The following GSG1L variants were observed in gnomAD, a reference collection of about 807,000 sequenced individuals.
The protein encoded by GSG1L is germ cell-specific gene 1-like protein.
In GSG1L, 24 loss-of-function variants were observed where a neutral mutation model predicts 42.1. The ratio of observed to expected loss-of-function variants is 0.57; its 90% confidence interval spans 0.41 to 0.80. The LOEUF (loss-of-function observed/expected upper bound fraction) is 0.80. Ranked by LOEUF, GSG1L falls within the 30% of genes least tolerant of loss-of-function variation. The probability of loss-of-function intolerance (pLI) is 0.00; values close to 1 mark genes in which losing one functional copy is unlikely to be tolerated. For missense variants in GSG1L, 445 were observed against 472.2 expected (o/e 0.94, Z 0.53); for synonymous variants, 215 against 203.5 (o/e 1.06, Z -0.48).
rs375786981 is a variant in GSG1L at position 28,033,291 on chromosome 16, C to T, written c.349+29785G>A. On this transcript the variant is annotated intron_variant, in intron 1 of 6. Transcript: ENST00000447459. ...CACTATCTGAAGGAGATCAGCTCCC[C>T]ATCTACAACCGCCAGAGTAGAACAG... 2.0e-5 allele frequency among the ~76,000 whole-genome samples: 3 copies of T among 152,336 alleles called. No individual in the cohort carries two copies. The East Asian group carries it at 5.8e-4, about 29-fold the overall frequency.
In GSG1L at chr16:27,807,472, A is replaced by C; in HGVS notation, c.898+15T>G. The C allele has an allele frequency of 6.2e-7, 1 of 1,610,368 alleles. No homozygotes were observed. The highest frequency in any genetic ancestry group is 8.5e-7 in the Non-Finnish European group (1 of 1,177,662). On this transcript the variant is annotated intron_variant, in intron 6 of 6. Transcript: ENST00000447459. ...TGAATCTGTCGTAGCAGATACCCAC[A>C]AACAGGCCACTTACGGGCAGGGTAT... is the stretch of plus-strand genomic sequence containing the variant.
chr16:27,913,531 A>G lies in GSG1L; in HGVS notation c.398-28893T>C, dbSNP rs187262521. ...AAGGAAAATAATGATTTGGGAGATG[A>G]GAGCAGGGGTTGTCAAACTACAGCC... On this transcript the variant is annotated intron_variant, in intron 2 of 6. Transcript: ENST00000447459. Among the ~76,000 whole-genome samples, 159 of 152,346 alleles carry G rather than the reference A, an allele frequency of 1.0e-3. 1 individual carries two copies. Among genetic ancestry groups the G allele is most frequent in the Admixed American group, 4.6e-3 (70 of 15,302 alleles).
Position 27,958,689 on chromosome 16 carries a change from T to C in GSG1L, c.397+4467A>G, listed in dbSNP as rs1485234267. Among the ~76,000 whole-genome samples, 3 of 152,212 alleles carry C rather than the reference T, an allele frequency of 2.0e-5. No individual in the cohort carries two copies. In the East Asian group the frequency reaches 5.8e-4, roughly 30 times the overall value. On this transcript the variant is annotated intron_variant, in intron 2 of 6. Coordinates refer to ENST00000447459, the MANE Select transcript of GSG1L (RefSeq NM_001109763.2). ...GGGCTATCAAAACTTCTTTTTCTTT[T>C]TTTTGAGACAGAGTCTTGCTCTGTT...
intron 1 of GSG1L, among the ~76,000 whole-genome samples, chr16:27,971,971 TAAGA>T: frequency 6.6e-6 from 1 of 152,262 alleles, no homozygotes; most frequent in East Asian, 1.9e-4. Flanking sequence ...ACACAGCCAG[TAAGA>T]AATGGAGCAA....
chr16:27,942,449 C>CA (rs547792085), intron 2 of GSG1L, among the ~76,000 whole-genome samples: 76 of 152,070 alleles, frequency 5.0e-4, no homozygotes, highest in African/African-American at 1.7e-3. Context: ...CGCACCTGGC[C>CA]AAAAATGAGA....
intron 2 of GSG1L, among the ~76,000 whole-genome samples, chr16:27,953,953 T>G (rs1487491790): frequency 6.6e-6 from 1 of 151,812 alleles, no homozygotes. Context: ...TTGGAAAGAG[T>G]TGAGGATGAC....
intron 1 of GSG1L, among the ~76,000 whole-genome samples, chr16:28,033,682 G>T (rs1170688172): frequency 6.6e-6 from 1 of 151,800 alleles, no homozygotes; most frequent in African/African-American, 2.4e-5. Context: ...TAAACTGTAA[G>T]GAAACAAAAA....
At position 28,026,700 on chromosome 16, in the gene GSG1L, G is replaced by C. The variant is rs117449547; in HGVS notation, c.349+36376C>G. Among the ~76,000 whole-genome samples, 3 of 152,272 alleles carry C rather than the reference G, an allele frequency of 2.0e-5. No individual in the cohort carries two copies. In the East Asian group the frequency reaches 5.8e-4, roughly 29 times the overall value. Reference sequence around the variant, plus strand: ...CTGAGGCATCCCATCCTCGTGACAGGGCAGAGCCTCGCTGTGCTCAGATAC... The same window carrying C: ...CTGAGGCATCCCATCCTCGTGACAGCGCAGAGCCTCGCTGTGCTCAGATAC... On this transcript the variant is annotated intron_variant, in intron 1 of 6. Coordinates refer to ENST00000447459, the MANE Select transcript of GSG1L (RefSeq NM_001109763.2).
chr16:27,948,908 CTATTAT>C (rs372937677), intron 2 of GSG1L, among the ~76,000 whole-genome samples: 2 of 141,360 alleles, frequency 1.4e-5, no homozygotes, highest in African/African-American at 2.7e-5. Flanking sequence ...CGCACCTGAT[CTATTAT>C]TATTATTATT....
intron 1 of GSG1L, among the ~76,000 whole-genome samples, chr16:28,048,050 C>A (rs1271727173): frequency 3.7e-5 from 5 of 133,620 alleles, no homozygotes; most frequent in African/African-American, 1.2e-4. Flanking sequence ...AACACCTCAT[C>A]TTTACAAAAA....
chr16:27,946,621 G>GAGAGAGAGAGAGAA (rs2084870220), intron 2 of GSG1L, among the ~76,000 whole-genome samples: 1 of 48,166 alleles, frequency 2.1e-5, no homozygotes, highest in African/African-American at 7.5e-5. Flanking sequence ...GAGAGAGAGA[G>GAGAGAGAGAGAGAA]AGAGAGAGAG....
chr16:27,915,147 A>G (rs1010632863), intron 2 of GSG1L, among the ~76,000 whole-genome samples: 2 of 150,436 alleles, frequency 1.3e-5, no homozygotes, highest in Non-Finnish European at 3.0e-5. Context: ...GGATGGGGCA[A>G]CTCTGAGAGG....
At chr16:27,986,939 A>G (rs1302749901) in intron 1 of GSG1L, among the ~76,000 whole-genome samples, 5 of 152,266 alleles carry the variant, frequency 3.3e-5, no homozygotes, top group Admixed American at 6.5e-5. Flanking sequence ...GTCTCAGTTC[A>G]GGCACAGTGG....
intron 3 of GSG1L, among the ~76,000 whole-genome samples, chr16:27,855,719 CAAA>C (rs397686463): frequency 9.7e-5 from 6 of 61,716 alleles, no homozygotes; most frequent in African/African-American, 3.1e-4. Flanking sequence ...GACTCAGTCT[CAAA>C]AAAAAAAAAA....
intron 3 of GSG1L, among the ~76,000 whole-genome samples, chr16:27,852,835 G>A (rs1251922329): frequency 6.6e-6 from 1 of 152,188 alleles, no homozygotes; most frequent in Non-Finnish European, 1.5e-5. Context: ...GAGCCTGGGA[G>A]GAGCAGCTGC....
chr16:27,891,584 C>A (rs541954099), intron 2 of GSG1L, among the ~76,000 whole-genome samples: 1 of 152,080 alleles, frequency 6.6e-6, no homozygotes, highest in African/African-American at 2.4e-5. Context: ...GCGATCCTAC[C>A]GCTTCATCTT....
intron 2 of GSG1L, among the ~76,000 whole-genome samples, chr16:27,889,451 A>T (rs1378043217): frequency 1.3e-5 from 2 of 152,192 alleles, no homozygotes; most frequent in Admixed American, 6.5e-5. Flanking sequence ...TGAGGTCTTT[A>T]TTATGAGCCA....
At chr16:27,900,767 T>C (rs1213683225) in intron 2 of GSG1L, among the ~76,000 whole-genome samples, 1 of 150,268 alleles carries the variant, frequency 6.7e-6, no homozygotes, top group African/African-American at 2.5e-5. Context: ...ATAAAACAAA[T>C]ACAGGCAGAA....
chr16:28,045,923 G>A (rs780594203), intron 1 of GSG1L, among the ~76,000 whole-genome samples: 1 of 152,034 alleles, frequency 6.6e-6, no homozygotes, highest in Non-Finnish European at 1.5e-5. Context: ...TTGAACCCGA[G>A]AGGCAGAGGT....
Sources: gnomAD v4.1 joint callset for allele counts (sites outside exome capture counted in the v4.1 genomes callset) on GRCh38, gnomAD v4.1.1 for gene constraint, MANE v1.5 for transcripts, NCBI Gene and HGNC (gene_info 2026-07-23, HGNC 2026-07-21) for gene names.